Variants in TBC1D8 observed in about 807,000 individuals in gnomAD.
TBC1D8 encodes TBC1 domain family member 8.
TBC1D8 carries 65 observed loss-of-function variants against 118.8 expected under a neutral mutation model. The observed-to-expected ratio is 0.55, with a 90% CI of 0.45 to 0.67. TBC1D8 has a LOEUF of 0.67. Ranked by LOEUF, TBC1D8 falls within the 30% of genes least tolerant of loss-of-function variation. TBC1D8 has a pLI of 0.00. For synonymous variants in TBC1D8, 566 were observed against 595.8 expected (o/e 0.95, Z 0.73); for missense variants, 1,376 against 1,471.2 (o/e 0.94, Z 1.06).
chr2:101,021,645 G>C, intron 17 of TBC1D8, 36 bp downstream of exon 17: 1 of 1,398,534 alleles, frequency 7.2e-7, no homozygotes, highest in African/African-American at 1.4e-5. Flanking sequence ...TGTTGAAGCA[G>C]AGCACAGTCT....
chr2:101,040,323 T>A lies in TBC1D8; in HGVS notation c.935A>T (p.Glu312Val). The change falls in exon 6 of 20, where the codon GAG becomes GTG. Residue 312 changes from glutamate to valine, a missense_variant. Coordinates refer to ENST00000409318, the MANE Select transcript of TBC1D8 (RefSeq NM_001330348.2). The stretch of plus-strand genomic sequence containing the variant: ...ACAGTCCACAACCGCGTGCAGCTTC[T>A]CCTTCCTCGGCAACCTGAAGAAAGC... ...FRAFFRLPRKEKLHAVVDCSL... is the reference protein window; with the variant it reads ...FRAFFRLPRKVKLHAVVDCSL... 6.2e-7 allele frequency: 1 copy of A among 1,613,852 alleles called. No homozygotes were observed. The highest frequency in any genetic ancestry group is 8.5e-7 in the Non-Finnish European group (1 of 1,179,818).
intron 12 of TBC1D8, 56 bp from the exon 13 acceptor site, chr2:101,028,488 C>T (rs1680483234): frequency 2.7e-6 from 4 of 1,508,706 alleles, no homozygotes; most frequent in South Asian, 2.6e-5. Context: ...TACCACAACA[C>T]GGGCTGCCTT....
intron 1 of TBC1D8, among the ~76,000 whole-genome samples, chr2:101,098,688 A>G (rs1055534583): frequency 9.9e-5 from 15 of 152,202 alleles, no homozygotes; most frequent in African/African-American, 3.6e-4. Context: ...GTGCAATCAA[A>G]CCAGAACTCA....
intron 1 of TBC1D8, 31 bp from the exon 2 acceptor site, chr2:101,090,395 G>A: frequency 6.2e-7 from 1 of 1,612,374 alleles, no homozygotes; most frequent in Non-Finnish European, 8.5e-7. Context: ...AAGTGCACCT[G>A]TGAGCATGGG....
chr2:101,060,747 G>C (rs1184634418), intron 2 of TBC1D8, among the ~76,000 whole-genome samples: 1 of 152,124 alleles, frequency 6.6e-6, no homozygotes, highest in Non-Finnish European at 1.5e-5. Context: ...AAGGCACGTG[G>C]GCATCAGGTG....
chr2:101,015,015 T>C (rs1212378928), intron 17 of TBC1D8, among the ~76,000 whole-genome samples: 1 of 152,182 alleles, frequency 6.6e-6, no homozygotes, highest in Non-Finnish European at 1.5e-5. Context: ...TTCTGAGAAA[T>C]GCATCATTAG....
intron 9 of TBC1D8, 69 bp from the exon 10 acceptor site, chr2:101,033,827 G>A: frequency 6.5e-7 from 1 of 1,527,106 alleles, no homozygotes; most frequent in Non-Finnish European, 8.9e-7. Context: ...AGAAGATGCT[G>A]GTCCCATCAG....
intron 14 of TBC1D8, 84 bp from the exon 15 acceptor site, chr2:101,027,535 A>G (rs971445305): frequency 1.0e-5 from 12 of 1,185,186 alleles, no homozygotes; most frequent in Non-Finnish European, 1.5e-5. Flanking sequence ...CTTCCTCCTG[A>G]AGGGGACACA....
chr2:101,073,545 C>T (rs1410783468), intron 2 of TBC1D8, among the ~76,000 whole-genome samples: 1 of 152,094 alleles, frequency 6.6e-6, no homozygotes, highest in Non-Finnish European at 1.5e-5. Context: ...CCGCCCGCCT[C>T]GGCCTCCCAA....
chr2:101,120,087 C>A (rs762920983), intron 1 of TBC1D8, among the ~76,000 whole-genome samples: 2 of 152,160 alleles, frequency 1.3e-5, no homozygotes, highest in African/African-American at 2.4e-5. Context: ...CCTGACTCCA[C>A]CACCACCAAC....
chr2:101,080,359 C>T (rs966947688), intron 2 of TBC1D8, among the ~76,000 whole-genome samples: 2 of 152,066 alleles, frequency 1.3e-5, no homozygotes, highest in Non-Finnish European at 2.9e-5. Context: ...GTGTTCTGTT[C>T]TTGAAAAAAA....
intron 1 of TBC1D8, among the ~76,000 whole-genome samples, chr2:101,102,713 T>C (rs551581473): frequency 1.3e-5 from 2 of 151,758 alleles, no homozygotes; most frequent in East Asian, 3.9e-4. Context: ...TTTAGACAAA[T>C]AGACTTCAAA....
At chr2:101,131,388 G>A (rs1212991375) in intron 1 of TBC1D8, among the ~76,000 whole-genome samples, 4 of 152,106 alleles carry the variant, frequency 2.6e-5, no homozygotes, top group East Asian at 1.9e-4. Context: ...GGTGACGTGC[G>A]CCTGTAATCC....
chr2:101,151,088 CG>C, intron 1 of TBC1D8, 38 bp downstream of exon 1: 1 of 1,006,544 alleles, frequency 9.9e-7, no homozygotes, highest in African/African-American at 1.7e-5. Context: ...TGCGAGGCCC[CG>C]GGCCCGGCCG....
intron 2 of TBC1D8, among the ~76,000 whole-genome samples, chr2:101,060,286 T>C (rs1029857426): frequency 1.3e-5 from 2 of 152,176 alleles, no homozygotes; most frequent in Non-Finnish European, 2.9e-5. Flanking sequence ...CTTCAAGAAG[T>C]ACTAAAGCCC....
chr2:101,056,166 C>T (rs796087450), intron 3 of TBC1D8, among the ~76,000 whole-genome samples: 11 of 151,284 alleles, frequency 7.3e-5, no homozygotes, highest in African/African-American at 2.7e-4. Flanking sequence ...AACCCGAGCA[C>T]TGACATTAAA....
At position 101,137,644 on chromosome 2, in the gene TBC1D8, A is replaced by G. The variant is rs1247847138; in HGVS notation, c.127+13483T>C. On this transcript the variant is annotated intron_variant, in intron 1 of 19. Transcript: ENST00000409318. ...AAATAGATATTTTTTGAATCCTGACAGTATTATTTCTAACAAAATACTAAA... is the reference window on the plus strand; with the variant it reads ...AAATAGATATTTTTTGAATCCTGACGGTATTATTTCTAACAAAATACTAAA... 2.0e-5 allele frequency among the ~76,000 whole-genome samples: 3 copies of G among 152,202 alleles called. 1 individual carries two copies. The highest frequency in any genetic ancestry group is 7.2e-5 in the African/African-American group (3 of 41,454).
chr2:101,016,794 AATC>A (rs1264051013), intron 17 of TBC1D8, among the ~76,000 whole-genome samples: 9 of 152,174 alleles, frequency 5.9e-5, no homozygotes, highest in Non-Finnish European at 1.3e-4. Context: ...TGAAATTGGA[AATC>A]ATCATTCTCA....
chr2:101,118,467 C>A (rs113659547), intron 1 of TBC1D8, among the ~76,000 whole-genome samples: 1 of 151,566 alleles, frequency 6.6e-6, no homozygotes, highest in Non-Finnish European at 1.5e-5. Flanking sequence ...GAGGCCAAGG[C>A]GGGTGGATCA....
Sources: allele counts gnomAD v4.1 joint callset (sites outside exome capture counted in the v4.1 genomes callset), GRCh38; gene constraint gnomAD v4.1.1; transcripts MANE v1.5; gene names NCBI Gene and HGNC (gene_info 2026-07-23, HGNC 2026-07-21).